VIT: variants seen among roughly 807,000 people sequenced by gnomAD.
VIT encodes the protein vitrin.
In VIT, 99 loss-of-function variants were observed where a neutral mutation model predicts 78.0. The ratio of observed to expected loss-of-function variants is 1.27; its 90% CI spans 1.08 to 1.50. The LOEUF (loss-of-function observed/expected upper bound fraction) is 1.50. Ranked by LOEUF, VIT falls within the 40% of genes most tolerant of loss-of-function variation. The probability of loss-of-function intolerance (pLI) is 0.00; values close to 1 mark genes in which losing one functional copy is unlikely to be tolerated. For synonymous variants in VIT, 374 were observed against 334.3 expected, an observed-to-expected ratio of 1.12 and a Z score of -1.29; for missense variants, 1,126 against 875.3, an observed-to-expected ratio of 1.29 and a Z score of -3.61.
intron 6 of VIT, among the ~76,000 whole-genome samples, chr2:36,765,861 T>C (rs1300149346): frequency 6.6e-6 from 1 of 152,214 alleles, no homozygotes; most frequent in East Asian, 1.9e-4. Context: ...AGAGAATAAA[T>C]TTCTGTCATT....
At chr2:36,773,418 G>C (rs1280006103) in intron 7 of VIT, among the ~76,000 whole-genome samples, 1 of 151,680 alleles carries the variant, frequency 6.6e-6, no homozygotes, top group African/African-American at 2.4e-5. Context: ...TGTCTTGCTA[G>C]GTTGGATCAT....
chr2:36,715,896 GT>G (rs978967598), intron 1 of VIT, among the ~76,000 whole-genome samples: 1 of 152,172 alleles, frequency 6.6e-6, no homozygotes, highest in African/African-American at 2.4e-5. Flanking sequence ...GGTGAGAATT[GT>G]TTTTTAATTC....
At chr2:36,713,939 C>T (rs13425193) in intron 1 of VIT, among the ~76,000 whole-genome samples, 687 of 152,188 alleles carry the variant, frequency 4.5e-3, no homozygotes, top group African/African-American at 0.016. Flanking sequence ...TAATAAAATA[C>T]AAAAAAAGTC....
At chr2:36,800,569 A>C (rs934257162) in intron 12 of VIT, among the ~76,000 whole-genome samples, 1 of 152,144 alleles carries the variant, frequency 6.6e-6, no homozygotes, top group Non-Finnish European at 1.5e-5. Flanking sequence ...GCTGAGTGTC[A>C]GTGGTTTGTG....
chr2:36,773,611 A>G (rs1449805462), intron 7 of VIT, among the ~76,000 whole-genome samples, 180 bp from the exon 8 acceptor site: 2 of 152,160 alleles, frequency 1.3e-5, no homozygotes, highest in Non-Finnish European at 2.9e-5. Flanking sequence ...CGCACCTGTA[A>G]TCCCAGCTAC....
rs1220922203 is a variant in VIT, at chr2:36,728,830, G to GAAAAAA, written c.53-595_53-590dup. Among the ~76,000 whole-genome samples, 3 of 20,700 alleles carry GAAAAAA rather than the reference G, an allele frequency of 1.4e-4. 1 individual carries two copies. The East Asian group carries it at 4.2e-3, about 29-fold the overall frequency. The allele number at this position is 20,700 out of a possible 152,430, so 13.6% of individuals were successfully genotyped here. ...TCCGTCTCAAAAAAAAAAAAAAAAA[G>GAAAAAA]AAAAAAGAAAAAATATTTTTTATAA... On this transcript the variant is annotated intron_variant, in intron 2 of 15. Coordinates refer to ENST00000379242, the MANE Select transcript of VIT (RefSeq NM_053276.4).
intron 12 of VIT, among the ~76,000 whole-genome samples, chr2:36,790,001 C>G (rs1460723124): frequency 2.0e-5 from 3 of 152,080 alleles, no homozygotes; most frequent in Non-Finnish European, 4.4e-5. Flanking sequence ...CCTTGGGTTT[C>G]CTTAGGAGAG....
Position 36,759,789 on chromosome 2 carries a change from T to G in VIT, c.487+743T>G, listed in dbSNP as rs139893677. ...GGTGAACACGGTTTAAGAATAGCAG[T>G]AGAACTTAGCATTTATTGAGCATTT... is the stretch of plus-strand genomic sequence containing the variant. On this transcript the variant is annotated intron_variant, in intron 6 of 15. Transcript: ENST00000379242. 436 of 520,220 alleles carry G rather than the reference T, an allele frequency of 8.4e-4. 5 individuals carry two copies. The African/African-American group carries it at 8.7e-3, about 10-fold the overall frequency. 32.2% of individuals were successfully genotyped at this position (520,220 alleles called of 1,614,324 possible).
chr2:36,764,948 C>G (rs1314374762), intron 6 of VIT, among the ~76,000 whole-genome samples: 1 of 151,724 alleles, frequency 6.6e-6, no homozygotes, highest in Non-Finnish European at 1.5e-5. Context: ...TCTTCTTGGT[C>G]TGCTGTGCTG....
intron 9 of VIT, among the ~76,000 whole-genome samples, chr2:36,777,483 C>G (rs1670145499): frequency 6.6e-6 from 1 of 152,136 alleles, no homozygotes; most frequent in African/African-American, 2.4e-5. Context: ...GAGCAGAACA[C>G]AGTGCTGCCA....
chr2:36,703,355 A>T lies in VIT; in HGVS notation c.-19+6382A>T, dbSNP rs953545707. Among the ~76,000 whole-genome samples, 4 of 113,092 alleles carry T rather than the reference A, an allele frequency of 3.5e-5. No homozygotes were observed. In the Admixed American group the frequency reaches 3.8e-4, roughly 11 times the overall value. 74.2% of individuals were successfully genotyped at this position (113,092 alleles called of 152,430 possible). ...GTGGCTCCCCTACCCCCACCCCCCT[A>T]CACCCAGCCCACTTCAGGCAATAGT... is the stretch of plus-strand genomic sequence containing the variant. On this transcript the variant is annotated intron_variant, in intron 1 of 15. Transcript: ENST00000379242.
At chr2:36,745,974 T>C (rs1391309047) in intron 4 of VIT, among the ~76,000 whole-genome samples, 1 of 152,126 alleles carries the variant, frequency 6.6e-6, no homozygotes, top group Non-Finnish European at 1.5e-5. Context: ...TTTGAGGTTA[T>C]GTTCCTATAA....
At chr2:36,776,794 C>CA (rs1314767509) in intron 9 of VIT, among the ~76,000 whole-genome samples, 17 of 149,882 alleles carry the variant, frequency 1.1e-4, no homozygotes, top group Admixed American at 3.3e-4. Context: ...GACTCCATCT[C>CA]AAAAAAAATA....
At chr2:36,715,597 C>G (rs1382725342) in intron 1 of VIT, among the ~76,000 whole-genome samples, 1 of 151,426 alleles carries the variant, frequency 6.6e-6, no homozygotes, top group Non-Finnish European at 1.5e-5. Flanking sequence ...GGTTCTCAAA[C>G]TTGGATGTAT....
Position 36,814,355 on chromosome 2 carries a change from G to A in VIT, c.2076G>A (p.Arg692=), listed in dbSNP as rs1041641230. The change falls in exon 16 of 16, where the codon CGG becomes CGA. Residue 692 remains arginine, a synonymous_variant. Transcript: ENST00000379242. ...GTACAGAGTTCAACTCACAGCCTCG[G>A]AACTGAATTCAGAGCAGGCAGAGCA... ...NICTEFNSQP[R]N The A allele has an allele frequency of 6.2e-7, 1 of 1,614,076 alleles. No homozygotes were observed. Among genetic ancestry groups the A allele is most frequent in the Non-Finnish European group, 8.5e-7 (1 of 1,180,002 alleles).
Position 36,787,165 on chromosome 2 carries a change from G to T in VIT, c.947G>T (p.Ser316Ile), listed in dbSNP as rs756289698. 8 of 1,614,084 alleles carry T rather than the reference G, an allele frequency of 5.0e-6. No individual in the cohort carries two copies. The African/African-American group carries it at 1.1e-4, about 22-fold the overall frequency. Residue 316 changes from serine to isoleucine, a missense_variant, in exon 12 of 16, where the codon AGC becomes ATC. By Grantham distance (142) the Ser-to-Ile change is moderately radical. Coordinates refer to ENST00000379242, the MANE Select transcript of VIT (RefSeq NM_053276.4). Reference protein sequence around the residue: ...KIDLSFLIDGSTSIGKRRFRI... With the variant: ...KIDLSFLIDGITSIGKRRFRI... Reference sequence around the variant, plus strand: ...GACTTGTCGTTTTTAATTGATGGGAGCACCAGCATTGGCAAACGGCGATTC... The same window carrying T: ...GACTTGTCGTTTTTAATTGATGGGATCACCAGCATTGGCAAACGGCGATTC...
chr2:36,717,540 G>C (rs1418167714), intron 2 of VIT, among the ~76,000 whole-genome samples: 1 of 152,206 alleles, frequency 6.6e-6, no homozygotes, highest in South Asian at 2.1e-4. Flanking sequence ...CCGGCCCAGA[G>C]ATGATTTTTT....
intron 12 of VIT, among the ~76,000 whole-genome samples, chr2:36,790,222 C>T (rs977018847): frequency 2.0e-5 from 3 of 152,136 alleles, no homozygotes; most frequent in Non-Finnish European, 4.4e-5. Flanking sequence ...CTCCAGGTAG[C>T]CCAGGTGAAG....
intron 12 of VIT, among the ~76,000 whole-genome samples, chr2:36,791,119 G>A (rs1665471027): frequency 1.3e-5 from 2 of 152,248 alleles, no homozygotes. Flanking sequence ...GTTGTGGGAT[G>A]AAGGGAACTG....
Sources: gnomAD v4.1 joint callset for allele counts (sites outside exome capture counted in the v4.1 genomes callset) on GRCh38, gnomAD v4.1.1 for gene constraint, MANE v1.5 for transcripts, NCBI Gene and HGNC (gene_info 2026-07-23, HGNC 2026-07-21) for gene names.